The following HMCN1 variants were observed in gnomAD, a reference collection of about 807,000 sequenced individuals.
The protein encoded by HMCN1 is hemicentin 1.
A neutral mutation model predicts 625.9 loss-of-function variants in HMCN1; 321 were observed. The observed-to-expected ratio is 0.51, with a 90% confidence interval of 0.47 to 0.56. HMCN1 has a LOEUF of 0.56. Among genes scored for constraint, HMCN1 ranks in the 20% least tolerant of loss-of-function variants. The pLI, the probability that HMCN1 is intolerant of heterozygous loss-of-function variation, is 0.00. For missense variants in HMCN1, 6,588 were observed against 6,887.3 expected (o/e 0.96, Z 1.54); for synonymous variants, 2,425 against 2,417.6 (o/e 1.00, Z -0.09).
rs1207471454 is a variant in HMCN1 at position 186,117,610 on chromosome 1, AATT to A, written c.11836_11838del (p.Ile3946del). 6.2e-7 allele frequency: 1 copy of A among 1,613,640 alleles called. No homozygotes were observed. The highest frequency in any genetic ancestry group is 8.5e-7 in the Non-Finnish European group (1 of 1,179,734). On this transcript the variant is annotated inframe_deletion, in exon 77 of 107. Transcript: ENST00000271588. ...TGCTTCCCAGGGGAGATGGCTATAG[AATT>A]CTGTCCTCAGGTAAGACCAAGCTCA... is the stretch of plus-strand genomic sequence containing the variant.
At chr1:186,162,150 C>T (rs148152701) in intron 97 of HMCN1, among the ~76,000 whole-genome samples, 9,795 of 152,210 alleles carry the variant, frequency 0.064, 760 homozygotes, top group African/African-American at 0.19. Flanking sequence ...CTTCCCTTCT[C>T]ACTTCATTTC....
At chr1:186,117,741 T>C in intron 77 of HMCN1, 118 bp downstream of exon 77, 1 of 1,004,740 alleles carries the variant, frequency 1.0e-6, no homozygotes, top group Admixed American at 1.8e-5. Flanking sequence ...TTCTTGAACT[T>C]AAAAATCTGG....
At chr1:185,800,923 A>C (rs1448119743) in intron 1 of HMCN1, among the ~76,000 whole-genome samples, 1 of 152,186 alleles carries the variant, frequency 6.6e-6, no homozygotes, top group Non-Finnish European at 1.5e-5. Flanking sequence ...AATTTTATTA[A>C]AGAAGTGTTT....
chr1:186,081,366 A>C lies in HMCN1; in HGVS notation c.8759A>C (p.Lys2920Thr). 1 of 1,613,578 alleles carries C rather than the reference A, an allele frequency of 6.2e-7. No homozygotes were observed. Among genetic ancestry groups the C allele is most frequent in the East Asian group, 2.2e-5 (1 of 44,862 alleles). The change falls in exon 56 of 107, where the codon AAA becomes ACA. Residue 2920 changes from lysine (K) to threonine (T), a missense_variant. Transcript: ENST00000271588. ...CCCTTGCTAGAAGATGACCATCATA[A>C]ATTTCTATCTAATGGACGAATTCTG... ...GQPLLEDDHH[K>T]FLSNGRILQI...
intron 30 of HMCN1, among the ~76,000 whole-genome samples, chr1:186,014,157 G>C (rs766895250): frequency 1.1e-4 from 16 of 152,010 alleles, no homozygotes; most frequent in Non-Finnish European, 1.9e-4. Flanking sequence ...AGCATGTGAT[G>C]AAAATAGCAC....
intron 6 of HMCN1, among the ~76,000 whole-genome samples, chr1:185,917,386 G>A (rs1666769480): frequency 6.6e-6 from 1 of 152,036 alleles, no homozygotes; most frequent in African/African-American, 2.4e-5. Flanking sequence ...GTTGAACTTG[G>A]AATAATTGCC....
chr1:186,150,772 A>G (rs1450769418), intron 93 of HMCN1, among the ~76,000 whole-genome samples: 1 of 151,984 alleles, frequency 6.6e-6, no homozygotes, highest in East Asian at 1.9e-4. Context: ...AAAGTTGCTT[A>G]ATTTCTACAA....
At chr1:185,793,270 A>G (rs1481913064) in intron 1 of HMCN1, among the ~76,000 whole-genome samples, 4 of 152,214 alleles carry the variant, frequency 2.6e-5, no homozygotes, top group Admixed American at 2.6e-4. Flanking sequence ...AGGGATGCTT[A>G]CCATCTGGAG....
chr1:186,114,142 T>TA lies in HMCN1; in HGVS notation c.11276+25dup, dbSNP rs772955915. 1.5e-5 allele frequency: 25 copies of TA among 1,613,478 alleles called. No individual in the cohort carries two copies. Among genetic ancestry groups the TA allele is most frequent in the Non-Finnish European group, 2.0e-5 (24 of 1,179,564 alleles). On this transcript the variant is annotated intron_variant, in intron 73 of 106. Transcript: ENST00000271588. ...ATGCAAGGTAACCATACTGGAAAATTAAAAAATGCTATAAGACCTGAAATA... is the reference window on the plus strand; with the variant it reads ...ATGCAAGGTAACCATACTGGAAAATTAAAAAAATGCTATAAGACCTGAAATA...
chr1:185,779,922 A>G (rs984342905), intron 1 of HMCN1, among the ~76,000 whole-genome samples: 1 of 152,222 alleles, frequency 6.6e-6, no homozygotes, highest in Non-Finnish European at 1.5e-5. Flanking sequence ...CATTGAATGT[A>G]TAAATTACCT....
intron 40 of HMCN1, among the ~76,000 whole-genome samples, chr1:186,044,265 A>G (rs1656403201): frequency 6.6e-6 from 1 of 152,158 alleles, no homozygotes; most frequent in Admixed American, 6.6e-5. Flanking sequence ...TGTGTGTGCT[A>G]CTAAATTTAG....
At chr1:186,182,007 G>C (rs185083261) in intron 104 of HMCN1, among the ~76,000 whole-genome samples, 161 bp from the exon 105 acceptor site, 1 of 152,130 alleles carries the variant, frequency 6.6e-6, no homozygotes, top group Non-Finnish European at 1.5e-5. Context: ...TAACATAAAA[G>C]TATCTTCATA....
At chr1:186,025,782 G>T (rs1236641484) in intron 36 of HMCN1, among the ~76,000 whole-genome samples, 1 of 152,192 alleles carries the variant, frequency 6.6e-6, no homozygotes, top group African/African-American at 2.4e-5. Context: ...AATGTGAAAT[G>T]AAAGAGAAGC....
chr1:186,176,052 G>C (rs936785023), intron 103 of HMCN1, among the ~76,000 whole-genome samples: 1 of 152,026 alleles, frequency 6.6e-6, no homozygotes, highest in East Asian at 1.9e-4. Flanking sequence ...TCATGCCACT[G>C]TGGTAATGAA....
At chr1:186,016,837 C>T in intron 32 of HMCN1, 126 bp from the exon 33 acceptor site, 1 of 715,960 alleles carries the variant, frequency 1.4e-6, no homozygotes, top group Non-Finnish European at 2.6e-6. Flanking sequence ...TTTCAAGTCC[C>T]CTTCATGTAT....
At chr1:185,930,477 C>T (rs894686627) in intron 10 of HMCN1, among the ~76,000 whole-genome samples, 4 of 152,022 alleles carry the variant, frequency 2.6e-5, no homozygotes, top group South Asian at 2.1e-4. Flanking sequence ...CAGGATAATT[C>T]GATCTTATAT....
chr1:185,862,010 T>G (rs761567954), intron 2 of HMCN1, among the ~76,000 whole-genome samples: 1 of 152,122 alleles, frequency 6.6e-6, no homozygotes, highest in Non-Finnish European at 1.5e-5. Flanking sequence ...ATGGTAGAGA[T>G]AGAACAGTAG....
intron 13 of HMCN1, among the ~76,000 whole-genome samples, chr1:185,964,732 G>A (rs748597059): frequency 2.0e-5 from 3 of 152,016 alleles, no homozygotes; most frequent in African/African-American, 7.2e-5. Flanking sequence ...TAATTCAGAC[G>A]GAGGAATTAG....
At chr1:185,798,979 C>G (rs6679816) in intron 1 of HMCN1, among the ~76,000 whole-genome samples, 7,630 of 152,102 alleles carry the variant, frequency 0.05, 594 homozygotes, top group African/African-American at 0.17. Flanking sequence ...TCTTTGGTTC[C>G]TAATCATATG....
Sources: allele counts gnomAD v4.1 joint callset (sites outside exome capture counted in the v4.1 genomes callset), GRCh38; gene constraint gnomAD v4.1.1; transcripts MANE v1.5; gene names NCBI Gene and HGNC (gene_info 2026-07-23, HGNC 2026-07-21).